The following ATXN7 variants were observed in gnomAD, a reference collection of about 807,000 sequenced individuals.
The protein encoded by ATXN7 is ataxin-7.
A neutral mutation model predicts 70.5 loss-of-function variants in ATXN7; 12 were observed. The ratio of observed to expected loss-of-function variants is 0.17; its 90% confidence interval spans 0.11 to 0.28. The LOEUF is 0.28. Among genes scored for constraint, ATXN7 ranks in the 10% least tolerant of loss-of-function variants. The probability of loss-of-function intolerance (pLI) is 1.00; values close to 1 mark genes in which losing one functional copy is unlikely to be tolerated. For synonymous variants in ATXN7, 498 were observed against 448.7 expected, an observed-to-expected ratio of 1.11 and a Z score of -1.39; for missense variants, 1,256 against 1,131.7, an observed-to-expected ratio of 1.11 and a Z score of -1.58.
chr3:63,999,484 G>A lies in ATXN7; in HGVS notation c.*17G>A, dbSNP rs780787335. 20 of 1,613,664 alleles carry A rather than the reference G, an allele frequency of 1.2e-5. No individual in the cohort carries two copies. Among genetic ancestry groups the A allele is most frequent in the East Asian group, 4.5e-5 (2 of 44,884 alleles). On this transcript the variant is annotated 3_prime_UTR_variant, in exon 13 of 13. Coordinates refer to ENST00000674280, the MANE Select transcript of ATXN7 (RefSeq NM_001377405.1). ...CGTCCCTGACAGCTGAAAATAGCAC[G>A]GGGAGGAATAATGCGGACACTTTTG... is the stretch of plus-strand genomic sequence containing the variant.
intron 5 of ATXN7, among the ~76,000 whole-genome samples, chr3:63,965,808 GC>G (rs2075212669): frequency 6.6e-6 from 1 of 152,158 alleles, no homozygotes; most frequent in Admixed American, 6.5e-5. Flanking sequence ...CATTAAGGGG[GC>G]ACATGTGAGT....
rs1325292909 is a variant in ATXN7, at chr3:63,988,103, A to G, written c.1140A>G (p.Lys380=). 1.5e-5 allele frequency: 25 copies of G among 1,613,972 alleles called. No individual in the cohort carries two copies. The highest frequency in any genetic ancestry group is 2.1e-5 in the Non-Finnish European group (25 of 1,180,026). The stretch of plus-strand genomic sequence containing the variant: ...GCAGGGCTGTCCAGGGTAGAAGAAA[A>G]CGATTTGATGTGTTATTAGCCGAGC... The part of the protein sequence containing the change: ...TQRRAVQGRR[K]RFDVLLAEHK... Residue 380 remains lysine (K), a synonymous_variant, in exon 9 of 13, where the codon AAA becomes AAG. Transcript: ENST00000674280.
chr3:63,912,989 C>A, intron 3 of ATXN7, 66 bp downstream of exon 3: 3 of 1,416,990 alleles, frequency 2.1e-6, no homozygotes, highest in East Asian at 2.6e-5. Context: ...CTCCCCTCCC[C>A]CCTGCCCCCC....
chr3:63,952,835 CTTTTTTTTTTTTTTTTTTTTTT>C (rs59256288), intron 5 of ATXN7, among the ~76,000 whole-genome samples: 5 of 49,164 alleles, frequency 1.0e-4, no homozygotes, highest in African/African-American at 5.1e-4. Context: ...ATGCATGGGC[CTTTTTTTTTTTTTTTTTTTTTT>C]TTTTTTTTTA....
intron 3 of ATXN7, 45 bp downstream of exon 3, chr3:63,912,968 C>T (rs769196344): frequency 1.4e-6 from 2 of 1,417,354 alleles, no homozygotes; most frequent in East Asian, 2.9e-5. Flanking sequence ...CTCGCGACCC[C>T]CTCCTCTCTC....
At chr3:63,980,407 C>G in intron 6 of ATXN7, 1 of 562,430 alleles carries the variant, frequency 1.8e-6, no homozygotes, top group Non-Finnish European at 3.1e-6. Context: ...GTGCTAGCTA[C>G]TGAAACCTAA....
At chr3:63,956,408 G>A (rs73117078) in intron 5 of ATXN7, among the ~76,000 whole-genome samples, 12,577 of 118,684 alleles carry the variant, frequency 0.11, 748 homozygotes, top group Middle Eastern at 0.23. Flanking sequence ...GTGACGGAGC[G>A]AGACTGCATC....
At chr3:63,894,251 A>G (rs1279092631) in intron 1 of ATXN7, among the ~76,000 whole-genome samples, 2 of 152,212 alleles carry the variant, frequency 1.3e-5, no homozygotes, top group South Asian at 2.1e-4. Flanking sequence ...CCCTGTGGCC[A>G]GATTTTTAGA....
intron 2 of ATXN7, chr3:63,901,757 A>T (rs1324203559): frequency 6.6e-6 from 1 of 151,688 alleles, no homozygotes; most frequent in East Asian, 1.9e-4. Context: ...CTTTTTAAAG[A>T]TTGAATAGTA....
At chr3:63,926,446 C>T (rs1382359659) in intron 4 of ATXN7, among the ~76,000 whole-genome samples, 1 of 152,184 alleles carries the variant, frequency 6.6e-6, no homozygotes, top group Non-Finnish European at 1.5e-5. Context: ...GAAGGAACAG[C>T]AAATCTGAAG....
At chr3:63,925,217 G>A (rs1457543701) in intron 4 of ATXN7, among the ~76,000 whole-genome samples, 1 of 152,150 alleles carries the variant, frequency 6.6e-6, no homozygotes, top group Non-Finnish European at 1.5e-5. Flanking sequence ...GTAAGAGGAA[G>A]AGTTTTGTCT....
intron 12 of ATXN7, chr3:63,997,591 CATCTCTCATCTTGTT>C (rs1310669283): frequency 3.3e-6 from 5 of 1,534,476 alleles, no homozygotes; most frequent in Non-Finnish European, 4.4e-6. Context: ...ACTTCCAGCT[CATCTCTCATCTTGTT>C]ATTTTATTCA....
intron 1 of ATXN7, among the ~76,000 whole-genome samples, chr3:63,871,079 G>A (rs1385929471): frequency 6.6e-6 from 1 of 152,002 alleles, no homozygotes; most frequent in African/African-American, 2.4e-5. Context: ...TTTATTTTTT[G>A]CTTCGTTTCC....
At chr3:63,863,851 C>T, upstream of ATXN7, 1 of 1,216,186 alleles carries the variant, frequency 8.2e-7, no homozygotes, top group Non-Finnish European at 1.0e-6. Context: ...TTGGCGGCGG[C>T]GGAGGTCAAA....
chr3:63,967,853 A>G, intron 5 of ATXN7: 2 of 1,531,966 alleles, frequency 1.3e-6, no homozygotes, highest in Non-Finnish European at 1.7e-6. Context: ...GGGCAGACCC[A>G]AATCATGATG....
chr3:63,924,092 G>A (rs1411955111), intron 4 of ATXN7, among the ~76,000 whole-genome samples: 1 of 152,106 alleles, frequency 6.6e-6, no homozygotes, highest in Non-Finnish European at 1.5e-5. Flanking sequence ...ATGCAGAGAG[G>A]TTATCCTGTT....
chr3:63,968,024 A>T (rs1353618259), intron 5 of ATXN7: 11 of 1,428,012 alleles, frequency 7.7e-6, no homozygotes, highest in African/African-American at 1.4e-5. Context: ...CTCAGGGCCC[A>T]GCTCTGGATG....
chr3:63,883,917 A>T (rs1451463150), intron 1 of ATXN7, among the ~76,000 whole-genome samples: 4 of 152,164 alleles, frequency 2.6e-5, no homozygotes, highest in Admixed American at 6.5e-5. Context: ...CAAACCTGAA[A>T]GTCAGATGGT....
chr3:63,971,118 C>G (rs542209232), intron 5 of ATXN7, among the ~76,000 whole-genome samples: 1 of 152,302 alleles, frequency 6.6e-6, no homozygotes, highest in East Asian at 1.9e-4. Flanking sequence ...TGAAATCATC[C>G]TTTTCAGTTA....
Sources: gnomAD v4.1 joint callset for allele counts (sites outside exome capture counted in the v4.1 genomes callset) on GRCh38, gnomAD v4.1.1 for gene constraint, MANE v1.5 for transcripts, NCBI Gene and HGNC (gene_info 2026-07-23, HGNC 2026-07-21) for gene names.